Variants in TJP2 observed in about 807,000 individuals in gnomAD.
The protein encoded by TJP2 is Friedreich ataxia region gene X104 (tight junction protein ZO-2).
Under a neutral mutation model 133.1 loss-of-function variants are expected in TJP2, and 91 were observed. The observed-to-expected ratio is 0.68, with a 90% CI of 0.58 to 0.81. The LOEUF is 0.81. Among genes scored for constraint, TJP2 ranks in the 40% least tolerant of loss-of-function variants. The probability of loss-of-function intolerance (pLI) is 0.00; values close to 1 mark genes in which losing one functional copy is unlikely to be tolerated. For missense variants in TJP2, 1,541 were observed against 1,565.6 expected, an observed-to-expected ratio of 0.98 and a Z score of 0.26; for synonymous variants, 592 against 583.4, an observed-to-expected ratio of 1.01 and a Z score of -0.21.
intron 1 of TJP2, among the ~76,000 whole-genome samples, chr9:69,206,444 C>T (rs1827413863): frequency 6.6e-6 from 1 of 152,170 alleles, no homozygotes; most frequent in South Asian, 2.1e-4. Flanking sequence ...TTGCAAAATT[C>T]TAACTGCATT....
intron 20 of TJP2, among the ~76,000 whole-genome samples, chr9:69,249,996 C>A (rs1831212248): frequency 6.6e-6 from 1 of 152,180 alleles, no homozygotes; most frequent in African/African-American, 2.4e-5. Context: ...TATAAAGACA[C>A]AAGGGCTTAT....
At chr9:69,248,915 C>A (rs1831122474) in intron 19 of TJP2, 1 of 988,228 alleles carries the variant, frequency 1.0e-6, no homozygotes, top group Middle Eastern at 5.2e-4. Flanking sequence ...GGATTTCTCT[C>A]TAGCATTTTA....
chr9:69,167,196 C>T (rs768191999), intron 2 of TJP2, among the ~76,000 whole-genome samples: 6 of 152,066 alleles, frequency 3.9e-5, no homozygotes, highest in Non-Finnish European at 8.8e-5. Flanking sequence ...CTAGATCATG[C>T]CACTGCACCC....
chr9:69,205,266 C>G, intron 1 of TJP2: 6 of 1,537,172 alleles, frequency 3.9e-6, no homozygotes, highest in Non-Finnish European at 5.2e-6. Flanking sequence ...CCCTTGTTTT[C>G]CCCAACCTTT....
At chr9:69,200,368 A>G (rs1826898368) in intron 1 of TJP2, among the ~76,000 whole-genome samples, 1 of 146,194 alleles carries the variant, frequency 6.8e-6, no homozygotes, top group African/African-American at 2.6e-5. Flanking sequence ...TGTGCCATCA[A>G]TTACACTGTT....
At chr9:69,230,697 C>T (rs1563938527) in intron 11 of TJP2, among the ~76,000 whole-genome samples, 1 of 152,096 alleles carries the variant, frequency 6.6e-6, no homozygotes, top group Non-Finnish European at 1.5e-5. Context: ...CCCTGGTTCA[C>T]CCTGAGACTC....
chr9:69,122,546 T>A (rs1257191633), intron 1 of TJP2, among the ~76,000 whole-genome samples: 1 of 152,168 alleles, frequency 6.6e-6, no homozygotes, highest in African/African-American at 2.4e-5. Flanking sequence ...ATACAGGGCG[T>A]TGTAAGTTTC....
intron 1 of TJP2, among the ~76,000 whole-genome samples, chr9:69,179,138 T>C (rs906476717): frequency 3.9e-5 from 6 of 152,242 alleles, no homozygotes; most frequent in African/African-American, 1.4e-4. Context: ...GAGAAAATAC[T>C]GTTTCAGTAG....
At chr9:69,234,378 CTT>C in intron 11 of TJP2, 59 bp from the exon 12 acceptor site, 1 of 1,229,608 alleles carries the variant, frequency 8.1e-7, no homozygotes, top group South Asian at 1.4e-5. Context: ...TTTTTTCTTT[CTT>C]TCTTTCTTTC....
intron 1 of TJP2, among the ~76,000 whole-genome samples, chr9:69,187,519 G>A (rs909314724): frequency 6.6e-6 from 1 of 152,182 alleles, no homozygotes; most frequent in Admixed American, 6.5e-5. Context: ...TTATCTTTCA[G>A]CAACATAAGC....
intron 1 of TJP2, among the ~76,000 whole-genome samples, chr9:69,187,144 AG>A (rs1454348306): frequency 2.6e-5 from 4 of 152,240 alleles, no homozygotes; most frequent in Non-Finnish European, 4.4e-5. Flanking sequence ...ACGGCCTGAA[AG>A]AATCTCTCTC....
chr9:69,137,247 C>CTT (rs1554768416), intron 1 of TJP2, among the ~76,000 whole-genome samples: 1 of 64,430 alleles, frequency 1.6e-5, no homozygotes, highest in African/African-American at 6.3e-5. Flanking sequence ...CTTTCTCTCT[C>CTT]TCTTTCTTTC....
chr9:69,215,313 TA>T (rs1828274263), intron 2 of TJP2, among the ~76,000 whole-genome samples: 1 of 151,106 alleles, frequency 6.6e-6, no homozygotes, highest in African/African-American at 2.4e-5. Flanking sequence ...CTCCTGAATC[TA>T]AAATAAAAAT....
At chr9:69,153,120 C>G (rs1396432777) in intron 2 of TJP2, among the ~76,000 whole-genome samples, 2 of 151,622 alleles carry the variant, frequency 1.3e-5, no homozygotes, top group Non-Finnish European at 2.9e-5. Context: ...GTAGTCCTAG[C>G]TACATGAGAA....
Position 69,174,343 on chromosome 9 carries a change from C to T in TJP2, c.-30C>T. 1 of 1,551,200 alleles carries T rather than the reference C, an allele frequency of 6.4e-7. No homozygotes were observed. Among genetic ancestry groups the T allele is most frequent in the Non-Finnish European group, 8.7e-7 (1 of 1,146,878 alleles). On this transcript the variant is annotated 5_prime_UTR_variant, in exon 1 of 23. Coordinates refer to ENST00000377245, the MANE Select transcript of TJP2 (RefSeq NM_004817.4). ...GCAGAAGCAGAAGCGGGGTCCGGAG[C>T]TGCGCGCCTACGCGGGACCTGTGTC...
chr9:69,246,374 T>G, intron 17 of TJP2: 1 of 374,722 alleles, frequency 2.7e-6, no homozygotes, highest in African/African-American at 2.1e-5. Flanking sequence ...ATTACAGGCA[T>G]GAGCCACCAC....
intron 1 of TJP2, among the ~76,000 whole-genome samples, chr9:69,206,696 G>C (rs922781606): frequency 2.0e-5 from 3 of 152,044 alleles, no homozygotes; most frequent in Admixed American, 1.3e-4. Flanking sequence ...TCCTGCCTCA[G>C]CCTCCCGAGT....
At position 69,240,113 on chromosome 9, in the gene TJP2, C is replaced by T. The variant is rs1171805767; in HGVS notation, c.2532C>T (p.Asn844=). 3.1e-6 allele frequency: 5 copies of T among 1,613,898 alleles called. No individual in the cohort carries two copies. Among genetic ancestry groups the T allele is most frequent in the South Asian group, 1.1e-5 (1 of 91,062 alleles). ...KSSRKLFDQA[N]KLKKTCAHLF... is the part of the protein sequence containing the mutation. The stretch of plus-strand genomic sequence containing the variant: ...CTCGAAAGTTATTTGATCAAGCCAA[C>T]AAGCTTAAAAAAACGTGTGCACACC... The change falls in exon 17 of 23, where the codon AAC becomes AAT. Residue 844 remains asparagine (N), a synonymous_variant. Coordinates refer to ENST00000377245, the MANE Select transcript of TJP2 (RefSeq NM_004817.4).
intron 14 of TJP2, 123 bp downstream of exon 14, chr9:69,237,259 A>G: frequency 2.5e-6 from 3 of 1,200,668 alleles, no homozygotes; most frequent in South Asian, 2.5e-5. Flanking sequence ...GGCAGTTTAT[A>G]GAGTTGAAAT....
Sources: allele counts gnomAD v4.1 joint callset (sites outside exome capture counted in the v4.1 genomes callset), GRCh38; gene constraint gnomAD v4.1.1; transcripts MANE v1.5; gene names NCBI Gene and HGNC (gene_info 2026-07-23, HGNC 2026-07-21).